The following DCN variants were observed in gnomAD, a reference collection of about 807,000 sequenced individuals.
DCN encodes decorin.
DCN carries 17 observed loss-of-function variants against 36.5 expected under a neutral mutation model. That is an observed-to-expected ratio of 0.47 (90% confidence interval 0.32 to 0.70). The LOEUF (loss-of-function observed/expected upper bound fraction) is 0.70, where lower values mean the gene tolerates loss of function less well. Among genes scored for constraint, DCN ranks in the 30% least tolerant of loss-of-function variants. The pLI is 0.04. For synonymous variants in DCN, 163 were observed against 161.4 expected (o/e 1.01, Z -0.07); for missense variants, 389 against 430.1 (o/e 0.90, Z 0.84).
chr12:91,171,771 C>T (rs1405100826), intron 2 of DCN, among the ~76,000 whole-genome samples: 1 of 152,204 alleles, frequency 6.6e-6, no homozygotes, highest in Non-Finnish European at 1.5e-5. Context: ...TAACATTTGA[C>T]TACAAATGCA....
At chr12:91,155,899 G>A (rs1881738569) in intron 5 of DCN, among the ~76,000 whole-genome samples, 1 of 152,078 alleles carries the variant, frequency 6.6e-6, no homozygotes, top group African/African-American at 2.4e-5. Context: ...GCATCCTATG[G>A]AATATGTACT....
At chr12:91,152,923 G>A (rs954650563) in intron 6 of DCN, among the ~76,000 whole-genome samples, 173 bp downstream of exon 6, 1 of 151,802 alleles carries the variant, frequency 6.6e-6, no homozygotes, top group Non-Finnish European at 1.5e-5. Flanking sequence ...CTATTTCATT[G>A]GCTTCTTCTC....
At position 91,145,138 on chromosome 12, in the gene DCN, A is replaced by G. The variant is rs569012369; in HGVS notation, c.*920T>C. On this transcript the variant is annotated 3_prime_UTR_variant, in exon 8 of 8. Transcript: ENST00000052754. ...TCCCCAGGCTTATTAAATTGTCTGC[A>G]TTGATAGTTGTTTATAAATTCTACA... 2 of 152,342 alleles carry G rather than the reference A, an allele frequency of 1.3e-5. No homozygotes were observed. The highest frequency in any genetic ancestry group is 4.1e-4 in the South Asian group (2 of 4,834). The allele number at this position is 152,342 out of a possible 1,614,324, so 9.4% of individuals were successfully genotyped here. A position where few individuals can be genotyped will look rare whatever the true frequency, so the allele number is the denominator to read the frequency against.
chr12:91,140,876 C>T lies in DCN; in HGVS notation c.*5182G>A, dbSNP rs1880734737. ...CCTTCCAGTGGCCCAGGCCAAAATT[C>T]CTGAAGTCATCTCTGTTTCTTTTCT... On this transcript the variant is annotated 3_prime_UTR_variant, in exon 8 of 8. Coordinates refer to ENST00000052754, the MANE Select transcript of DCN (RefSeq NM_001920.5). 6.6e-6 allele frequency: 1 copy of T among 152,236 alleles called. No homozygotes were observed. Among genetic ancestry groups the T allele is most frequent in the African/African-American group, 2.4e-5 (1 of 41,442 alleles). The allele number at this position is 152,236 out of a possible 1,614,324, so 9.4% of individuals were successfully genotyped here. A position where few individuals can be genotyped will look rare whatever the true frequency, so the allele number is the denominator to read the frequency against.
intron 1 of DCN, chr12:91,180,912 A>C (rs374911724): frequency 2.0e-5 from 3 of 152,296 alleles, no homozygotes; most frequent in African/African-American, 7.2e-5. Context: ...TGTCACTTTG[A>C]AATCTTTTCT....
At position 91,178,594 on chromosome 12, in the gene DCN, C is replaced by A; in HGVS notation, c.-33-9G>T. The A allele has an allele frequency of 1.3e-6, 2 of 1,549,812 alleles. No individual in the cohort carries two copies. ...TTTCACAACCAGGGAACCTAGGAAA[C>A]AAATGAGAGATTTAAGAAGAGTAGC... On this transcript the variant is annotated splice_polypyrimidine_tract_variant and intron_variant, in intron 1 of 7. Transcript: ENST00000052754.
chr12:91,151,749 A>G lies in DCN; in HGVS notation c.790T>C (p.Ser264Pro). Reference sequence around the variant, plus strand: ...CTCAGATGAGGCGTGTTGGCCAGAGAGCCATTGTCAACAGCAGAGATGCTG... The same window carrying G: ...CTCAGATGAGGCGTGTTGGCCAGAGGGCCATTGTCAACAGCAGAGATGCTG... ...FNSISAVDNG[S>P]LANTPHLREL... Residue 264 changes from serine (S) to proline (P), a missense_variant, in exon 7 of 8, where the codon TCT becomes CCT. Coordinates refer to ENST00000052754, the MANE Select transcript of DCN (RefSeq NM_001920.5). The G allele has an allele frequency of 6.2e-7, 1 of 1,614,074 alleles. No homozygotes were observed. Among genetic ancestry groups the G allele is most frequent in the Non-Finnish European group, 8.5e-7 (1 of 1,179,950 alleles).
intron 7 of DCN, among the ~76,000 whole-genome samples, chr12:91,147,715 C>T (rs775382913): frequency 7.9e-5 from 12 of 152,014 alleles, no homozygotes; most frequent in Non-Finnish European, 1.5e-4. Context: ...GCATAAAGTA[C>T]TGGAATTGAA....
chr12:91,163,830 C>T (rs1882318936), intron 3 of DCN, among the ~76,000 whole-genome samples: 1 of 151,890 alleles, frequency 6.6e-6, no homozygotes, highest in South Asian at 2.1e-4. Context: ...TCATTCACAC[C>T]TCTCTTAGAA....
Position 91,163,125 on chromosome 12 carries a change from C to T in DCN, c.324+1480G>A, listed in dbSNP as rs3138228. ...TGTGCACTCATATTTTGATGGAAGACCACATCACACTCATTCTACAGATAG... is the reference window on the plus strand; with the variant it reads ...TGTGCACTCATATTTTGATGGAAGATCACATCACACTCATTCTACAGATAG... On this transcript the variant is annotated intron_variant, in intron 3 of 7. Transcript: ENST00000052754. 9.0e-3 allele frequency among the ~76,000 whole-genome samples: 1,373 copies of T among 152,254 alleles called. 24 individuals are homozygous for T. The highest frequency in any genetic ancestry group is 0.032 in the African/African-American group (1,314 of 41,536).
intron 7 of DCN, among the ~76,000 whole-genome samples, chr12:91,148,092 G>A (rs1401748706): frequency 7.3e-6 from 1 of 137,444 alleles, no homozygotes; most frequent in Admixed American, 7.4e-5. Context: ...TTTTTTTTCT[G>A]AGACGGAGTC....
Position 91,145,343 on chromosome 12 carries a change from G to A in DCN, c.*715C>T. On this transcript the variant is annotated 3_prime_UTR_variant, in exon 8 of 8. Transcript: ENST00000052754. ...ACCAGTCAGGAAATGTATGCTTTGT[G>A]CTTTATAAGCTTACATTCAACATAG... The A allele has an allele frequency of 6.5e-6, 1 of 152,874 alleles. No homozygotes were observed. The highest frequency in any genetic ancestry group is 2.1e-4 in the South Asian group (1 of 4,856). The allele number at this position is 152,874 out of a possible 1,614,324, so 9.5% of individuals were successfully genotyped here.
chr12:91,178,118 A>T (rs1883405902), intron 2 of DCN, among the ~76,000 whole-genome samples: 1 of 152,166 alleles, frequency 6.6e-6, no homozygotes, highest in Non-Finnish European at 1.5e-5. Flanking sequence ...ATTGCAAAGT[A>T]ATGGAGGAAA....
Position 91,164,598 on chromosome 12 carries a change from T to A in DCN, c.324+7A>T. 1 of 1,507,244 alleles carries A rather than the reference T, an allele frequency of 6.6e-7. No individual in the cohort carries two copies. The highest frequency in any genetic ancestry group is 1.1e-5 in the South Asian group (1 of 88,918). The allele number at this position is 1,507,244 out of a possible 1,614,324, so 93.4% of individuals were successfully genotyped here. ...CTTATTGTGAGTTAAAAAAAAATAG[T>A]TCTTACGTGAAGGTTCTTCAGGTTC... is the stretch of plus-strand genomic sequence containing the variant. On this transcript the variant is annotated splice_region_variant and intron_variant, in intron 3 of 7. Transcript: ENST00000052754.
intron 2 of DCN, chr12:91,172,716 A>G: frequency 1.4e-6 from 1 of 694,766 alleles, no homozygotes; most frequent in South Asian, 1.5e-5. Context: ...ATATTGTAGA[A>G]TATTCATCCA....
At chr12:91,175,357 C>T (rs889744909) in intron 2 of DCN, 6 of 150,410 alleles carry the variant, frequency 4.0e-5, no homozygotes, top group African/African-American at 9.8e-5. Context: ...AAAAAAAGCA[C>T]GTGTTAATAC....
intron 7 of DCN, among the ~76,000 whole-genome samples, 199 bp from the exon 8 acceptor site, chr12:91,146,451 G>A (rs1881031500): frequency 1.4e-5 from 2 of 147,376 alleles, no homozygotes; most frequent in Non-Finnish European, 1.5e-5. Flanking sequence ...CTGCCTCACA[G>A]GTTGAAGCTA....
rs745368707 is a variant in DCN, at chr12:91,157,112, G to A, written c.615C>T (p.Ile205=). The change falls in exon 5 of 8, where the codon ATC becomes ATT. Residue 205 remains isoleucine, a synonymous_variant. Transcript: ENST00000052754. ...AFQGMKKLSY[I]RIADTNITSI... is the part of the protein sequence containing the mutation. ...TGGTGATATTGGTATCAGCAATGCG[G>A]ATGTAGGAGAGCTTCTTCATTCCCT... 128 of 1,612,618 alleles carry A rather than the reference G, an allele frequency of 7.9e-5. 1 individual carries two copies. Among genetic ancestry groups the A allele is most frequent in the Non-Finnish European group, 1.1e-4 (125 of 1,178,812 alleles).
Position 91,146,337 on chromosome 12 carries a change from T to G in DCN, c.886-85A>C, listed in dbSNP as rs1881015599. 6.5e-6 allele frequency: 5 copies of G among 765,522 alleles called. No individual in the cohort carries two copies. In the South Asian group the frequency reaches 7.6e-5, roughly 12 times the overall value. The allele number at this position is 765,522 out of a possible 1,614,324, so 47.4% of individuals were successfully genotyped here. On this transcript the variant is annotated intron_variant, in intron 7 of 7. Coordinates refer to ENST00000052754, the MANE Select transcript of DCN (RefSeq NM_001920.5). ...GTAAACATTTTATTTTTTTTATTAT[T>G]TTTTAATCCTTCACTTTTTTTTTTT...
Sources: gnomAD v4.1 joint callset for allele counts (sites outside exome capture counted in the v4.1 genomes callset) on GRCh38, gnomAD v4.1.1 for gene constraint, MANE v1.5 for transcripts, NCBI Gene and HGNC (gene_info 2026-07-23, HGNC 2026-07-21) for gene names.